The following FAM227B variants were observed in gnomAD, a reference collection of about 807,000 sequenced individuals.
FAM227B encodes the protein family with sequence similarity 227 member B.
A neutral mutation model predicts 73.8 loss-of-function variants in FAM227B; 88 were observed. The ratio of observed to expected loss-of-function variants is 1.19; its 90% CI spans 1.00 to 1.42. The LOEUF (loss-of-function observed/expected upper bound fraction) is 1.42, where lower values mean the gene tolerates loss of function less well. Among genes scored for constraint, FAM227B ranks in the 40% most tolerant of loss-of-function variants. The probability of loss-of-function intolerance (pLI) is 0.00; values close to 1 mark genes in which losing one functional copy is unlikely to be tolerated. For synonymous variants in FAM227B, 210 were observed against 190.5 expected (o/e 1.10, Z -0.84); for missense variants, 632 against 590.9 (o/e 1.07, Z -0.72).
At chr15:49,591,362 ACCCTCCCTC>A (rs1420774465) in intron 3 of FAM227B, among the ~76,000 whole-genome samples, 6 of 102,450 alleles carry the variant, frequency 5.9e-5, no homozygotes, top group African/African-American at 2.4e-4. Flanking sequence ...GAGCCACCAC[ACCCTCCCTC>A]CCTCCCTCCC....
chr15:49,615,187 C>T lies in FAM227B; in HGVS notation c.-16G>A, dbSNP rs760193024. On this transcript the variant is annotated 5_prime_UTR_variant, in exon 2 of 16. Transcript: ENST00000299338. The stretch of plus-strand genomic sequence containing the variant: ...GGCCTGCCATGGTACAGTAACTTTG[C>T]AGAAATGAAGAGAAATCAGCTGGGT... 1 of 1,613,766 alleles carries T rather than the reference C, an allele frequency of 6.2e-7. No homozygotes were observed. The highest frequency in any genetic ancestry group is 8.5e-7 in the Non-Finnish European group (1 of 1,179,674).
intron 11 of FAM227B, among the ~76,000 whole-genome samples, chr15:49,465,545 A>G (rs2054192829): frequency 6.6e-6 from 1 of 151,976 alleles, no homozygotes; most frequent in Non-Finnish European, 1.5e-5. Context: ...TGAGTGTTGC[A>G]TGTTGAAAAT....
intron 9 of FAM227B, among the ~76,000 whole-genome samples, chr15:49,567,349 G>A (rs1436705189): frequency 6.6e-6 from 1 of 152,120 alleles, no homozygotes; most frequent in African/African-American, 2.4e-5. Context: ...GTCAACCTGA[G>A]AGGCTGAGTG....
chr15:49,557,880 T>C (rs1435873748), intron 9 of FAM227B, among the ~76,000 whole-genome samples: 1 of 152,202 alleles, frequency 6.6e-6, no homozygotes, highest in Non-Finnish European at 1.5e-5. Context: ...TCCAGTGCCA[T>C]CTGCTGTAGC....
chr15:49,370,324 C>T (rs2045725349), intron 12 of FAM227B, among the ~76,000 whole-genome samples: 1 of 152,218 alleles, frequency 6.6e-6, no homozygotes, highest in Non-Finnish European at 1.5e-5. Flanking sequence ...GTGTTAGCTA[C>T]TAAACAAAGT....
intron 9 of FAM227B, among the ~76,000 whole-genome samples, chr15:49,546,373 G>A (rs1274158125): frequency 1.3e-5 from 2 of 152,146 alleles, no homozygotes; most frequent in South Asian, 2.1e-4. Context: ...GGACATTTAC[G>A]TTGGTTCCAA....
intron 13 of FAM227B, among the ~76,000 whole-genome samples, chr15:49,360,860 C>T (rs80079494): frequency 6.6e-6 from 1 of 152,120 alleles, no homozygotes; most frequent in Non-Finnish European, 1.5e-5. Context: ...GACATAAGCA[C>T]TCCTGTGATG....
chr15:49,602,960 G>A (rs918202688), intron 3 of FAM227B, among the ~76,000 whole-genome samples: 1 of 152,162 alleles, frequency 6.6e-6, no homozygotes, highest in Non-Finnish European at 1.5e-5. Context: ...CACTGCAGGT[G>A]TGTGGATTGG....
At chr15:49,434,772 A>G (rs886532701) in intron 11 of FAM227B, 1 of 151,590 alleles carries the variant, frequency 6.6e-6, no homozygotes, top group Non-Finnish European at 1.5e-5. Context: ...TTAAATCTAA[A>G]AACATAGACT....
intron 10 of FAM227B, among the ~76,000 whole-genome samples, chr15:49,531,638 T>C (rs2060616217): frequency 6.6e-6 from 1 of 151,988 alleles, no homozygotes; most frequent in African/African-American, 2.4e-5. Context: ...TCTCATGCTT[T>C]TGTTGTTTAA....
rs1017640266 is a variant in FAM227B at position 49,355,884 on chromosome 15, T to C, written c.1271+11564A>G. Among the ~76,000 whole-genome samples, 37 of 152,160 alleles carry C rather than the reference T, an allele frequency of 2.4e-4. No homozygotes were observed. In the South Asian group the frequency reaches 6.7e-3, roughly 27 times the overall value. ...AAAGGGAAGCCCATCAGACTAACAG[T>C]GGATCTCTCGGCAGAAACCCTACAA... On this transcript the variant is annotated intron_variant, in intron 13 of 15. Coordinates refer to ENST00000299338, the MANE Select transcript of FAM227B (RefSeq NM_152647.3).
At chr15:49,567,750 T>C (rs1233856672) in intron 9 of FAM227B, among the ~76,000 whole-genome samples, 1 of 152,096 alleles carries the variant, frequency 6.6e-6, no homozygotes, top group Non-Finnish European at 1.5e-5. Flanking sequence ...CCAGGGACAT[T>C]ACTTATTTGA....
At chr15:49,360,636 A>T (rs922717675) in intron 13 of FAM227B, among the ~76,000 whole-genome samples, 1 of 152,178 alleles carries the variant, frequency 6.6e-6, no homozygotes, top group African/African-American at 2.4e-5. Context: ...TGCAGTTTAA[A>T]GATATACCAT....
intron 9 of FAM227B, among the ~76,000 whole-genome samples, chr15:49,558,812 CCCT>C (rs1251428837): frequency 2.0e-5 from 3 of 152,106 alleles, no homozygotes; most frequent in Admixed American, 2.0e-4. Flanking sequence ...CCTACCCCTA[CCCT>C]GTTCCAACTC....
chr15:49,336,859 C>T (rs1015550203), intron 13 of FAM227B, among the ~76,000 whole-genome samples: 1 of 152,122 alleles, frequency 6.6e-6, no homozygotes, highest in Admixed American at 6.5e-5. Flanking sequence ...TGCTCCCCTC[C>T]CTTCCCTTCT....
chr15:49,498,396 G>A (rs2057813691), intron 11 of FAM227B, among the ~76,000 whole-genome samples: 1 of 152,160 alleles, frequency 6.6e-6, no homozygotes, highest in Non-Finnish European at 1.5e-5. Context: ...GCAGTTAATA[G>A]AGCCTTAGCT....
intron 13 of FAM227B, among the ~76,000 whole-genome samples, chr15:49,341,925 T>C (rs1387947387): frequency 1.3e-5 from 2 of 152,224 alleles, no homozygotes; most frequent in Admixed American, 1.3e-4. Flanking sequence ...TTTTTTTGAA[T>C]TTATCAAAAC....
At chr15:49,373,698 G>A (rs1380903813) in intron 11 of FAM227B, among the ~76,000 whole-genome samples, 84 of 152,062 alleles carry the variant, frequency 5.5e-4, no homozygotes, top group Non-Finnish European at 2.9e-5. Context: ...CTAAAAGGGA[G>A]ACATGTAAGT....
intron 11 of FAM227B, among the ~76,000 whole-genome samples, chr15:49,408,561 A>G (rs1260028913): frequency 6.6e-6 from 1 of 152,106 alleles, no homozygotes. Context: ...ATCTAAATTG[A>G]TCTTCCATAT....
Sources: gnomAD v4.1 joint callset for allele counts (sites outside exome capture counted in the v4.1 genomes callset) on GRCh38, gnomAD v4.1.1 for gene constraint, MANE v1.5 for transcripts, NCBI Gene and HGNC (gene_info 2026-07-23, HGNC 2026-07-21) for gene names.